RIMS2: variants seen among roughly 807,000 people sequenced by gnomAD.
RIMS2 encodes regulating synaptic membrane exocytosis protein 2.
A neutral mutation model predicts 174.4 loss-of-function variants in RIMS2; 59 were observed. The ratio of observed to expected loss-of-function variants is 0.34; its 90% CI spans 0.27 to 0.42. RIMS2 has a LOEUF of 0.42. Ranked by LOEUF, RIMS2 falls within the 10% of genes least tolerant of loss-of-function variation. The pLI, the probability that RIMS2 is intolerant of heterozygous loss-of-function variation, is 1.00. For missense variants in RIMS2, 1,620 were observed against 1,666.3 expected, an observed-to-expected ratio of 0.97 and a Z score of 0.48; for synonymous variants, 606 against 572.5, an observed-to-expected ratio of 1.06 and a Z score of -0.84.
chr8:103,911,961 G>T (rs975083358), intron 5 of RIMS2, 92 bp from the exon 9 acceptor site: 3 of 982,888 alleles, frequency 3.1e-6, no homozygotes, highest in Non-Finnish European at 4.4e-6. Flanking sequence ...TAGAGAGGTC[G>T]TACAATCAGA....
At chr8:103,915,568 C>G in exon 7 of RIMS2, 1 of 1,599,730 alleles carries the variant, frequency 6.3e-7, no homozygotes, top group Admixed American at 1.7e-5. Context: ...GGAAGTTTAG[C>G]TGATACTGTA....
intron 4 of RIMS2, among the ~76,000 whole-genome samples, chr8:103,893,893 C>T (rs2099262378): frequency 6.6e-6 from 1 of 152,044 alleles, no homozygotes; most frequent in African/African-American, 2.4e-5. Context: ...AGCATGCACA[C>T]AGCCATGCTG....
In RIMS2 at chr8:103,623,343, A is replaced by G. The variant is rs182778311; in HGVS notation, c.177-73743A>G. 7.2e-5 allele frequency among the ~76,000 whole-genome samples: 11 copies of G among 152,274 alleles called. No individual in the cohort carries two copies. In the East Asian group the frequency reaches 2.1e-3, roughly 29 times the overall value. On this transcript the variant is annotated intron_variant, in intron 1 of 23. Transcript: ENST00000504942. The stretch of plus-strand genomic sequence containing the variant: ...AAAGTACAGAACACATTTTATTTCT[A>G]TATAAAATTTTTTATATGTTTGAAA...
intron 19 of RIMS2, among the ~76,000 whole-genome samples, chr8:104,021,452 T>C (rs2096085355): frequency 6.6e-6 from 1 of 152,234 alleles, no homozygotes; most frequent in Non-Finnish European, 1.5e-5. Context: ...GAAATGTTGA[T>C]ATGTACTTAA....
chr8:103,793,497 A>C (rs2098520450), intron 3 of RIMS2, among the ~76,000 whole-genome samples: 1 of 152,204 alleles, frequency 6.6e-6, no homozygotes, highest in Admixed American at 6.5e-5. Flanking sequence ...AAAAACTGGA[A>C]GCATTCCCTT....
intron 17 of RIMS2, among the ~76,000 whole-genome samples, chr8:104,011,095 G>C (rs552503999): frequency 1.3e-5 from 2 of 152,226 alleles, no homozygotes; most frequent in Admixed American, 1.3e-4. Flanking sequence ...TAAGGGACCT[G>C]ATGTAAGACT....
At chr8:103,614,466 T>G (rs542393626) in intron 1 of RIMS2, among the ~76,000 whole-genome samples, 1 of 152,388 alleles carries the variant, frequency 6.6e-6, no homozygotes, top group Admixed American at 6.5e-5. Flanking sequence ...CTCATGCCCC[T>G]TTTAATGATT....
At chr8:103,914,977 G>A (rs73699003) in intron 6 of RIMS2, among the ~76,000 whole-genome samples, 21,020 of 151,848 alleles carry the variant, frequency 0.14, 2,140 homozygotes, top group African/African-American at 0.29. Context: ...TGAATTTTAT[G>A]TTACTTCTGA....
intron 1 of RIMS2, among the ~76,000 whole-genome samples, chr8:103,608,284 G>A (rs1425278409): frequency 1.4e-5 from 2 of 143,554 alleles, no homozygotes; most frequent in East Asian, 1.9e-4. Context: ...TGCCCCTGCT[G>A]GGGGGTGCCT....
intron 19 of RIMS2, among the ~76,000 whole-genome samples, chr8:104,055,873 G>A (rs1185681586): frequency 6.6e-6 from 1 of 151,902 alleles, no homozygotes; most frequent in East Asian, 1.9e-4. Context: ...CCTAGGCTCT[G>A]GCTAATCCTC....
intron 19 of RIMS2, among the ~76,000 whole-genome samples, chr8:104,096,170 A>G (rs1303325816): frequency 1.3e-5 from 2 of 151,680 alleles, no homozygotes; most frequent in African/African-American, 2.4e-5. Context: ...GGAAAGATAC[A>G]TAGAGTTTCC....
At position 104,237,385 on chromosome 8, in the gene RIMS2, C is replaced by A. The variant is rs190915911; in HGVS notation, c.3335-7531C>A. Reference sequence around the variant, plus strand: ...TCCCACTACTTGTCCATTGAGAGTCCTGTGTGTGGCTGTACTCAGGCTGAT... The same window carrying A: ...TCCCACTACTTGTCCATTGAGAGTCATGTGTGTGGCTGTACTCAGGCTGAT... On this transcript the variant is annotated intron_variant, in intron 19 of 23. Coordinates refer to ENST00000504942, the Ensembl canonical transcript of RIMS2. Among the ~76,000 whole-genome samples, 547 of 152,174 alleles carry A rather than the reference C, an allele frequency of 3.6e-3. 41 individuals are homozygous for A. In the South Asian group the frequency reaches 0.097, roughly 27 times the overall value.
intron 1 of RIMS2, among the ~76,000 whole-genome samples, chr8:103,587,578 G>A (rs1037320051): frequency 6.6e-6 from 1 of 151,848 alleles, no homozygotes; most frequent in African/African-American, 2.4e-5. Context: ...TGACAAAATG[G>A]AATTTATCCC....
intron 19 of RIMS2, among the ~76,000 whole-genome samples, chr8:104,238,350 TG>T (rs1215730755): frequency 3.3e-5 from 5 of 151,752 alleles, no homozygotes; most frequent in Admixed American, 3.3e-4. Flanking sequence ...CTAATACATG[TG>T]GGGCTTAAAA....
chr8:104,146,248 A>G (rs1320259874), intron 19 of RIMS2, among the ~76,000 whole-genome samples: 2 of 146,626 alleles, frequency 1.4e-5, no homozygotes, highest in Non-Finnish European at 3.0e-5. Context: ...GCTGGCATGC[A>G]CTGTAGTCCT....
chr8:104,039,535 T>C (rs1051961477), intron 19 of RIMS2, among the ~76,000 whole-genome samples: 2 of 151,806 alleles, frequency 1.3e-5, no homozygotes, highest in African/African-American at 4.8e-5. Flanking sequence ...TTTGTTTACG[T>C]AGTTTTTATA....
rs2098769201 is a variant in RIMS2 at position 104,162,483 on chromosome 8, A to G, written c.3335-82433A>G. Among the ~76,000 whole-genome samples, 3 of 152,348 alleles carry G rather than the reference A, an allele frequency of 2.0e-5. No individual in the cohort carries two copies. In the South Asian group the frequency reaches 6.2e-4, roughly 32 times the overall value. On this transcript the variant is annotated intron_variant, in intron 19 of 23. Transcript: ENST00000504942. Reference sequence around the variant, plus strand: ...ATATTATCATTACCATTTTACAGAAATCTAAAATCAGAAAACTAAAATGCA... The same window carrying G: ...ATATTATCATTACCATTTTACAGAAGTCTAAAATCAGAAAACTAAAATGCA...
intron 19 of RIMS2, among the ~76,000 whole-genome samples, chr8:104,213,537 C>T (rs1160592753): frequency 6.6e-6 from 1 of 151,984 alleles, no homozygotes; most frequent in African/African-American, 2.4e-5. Context: ...TAAGAAAGTG[C>T]CTGGGAAATA....
intron 3 of RIMS2, among the ~76,000 whole-genome samples, chr8:103,855,577 A>G (rs968361390): frequency 6.6e-6 from 1 of 152,104 alleles, no homozygotes; most frequent in African/African-American, 2.4e-5. Context: ...ATGAATTTGA[A>G]AGAATTTTTT....
Sources: allele counts gnomAD v4.1 joint callset (sites outside exome capture counted in the v4.1 genomes callset), GRCh38; gene constraint gnomAD v4.1.1; transcripts MANE v1.5; gene names NCBI Gene and HGNC (gene_info 2026-07-23, HGNC 2026-07-21).